MISP: variants seen among roughly 807,000 people sequenced by gnomAD.
MISP encodes mitotic spindle positioning.
In MISP, 51 loss-of-function variants were observed where a neutral mutation model predicts 49.3. That is an observed-to-expected ratio of 1.03 (90% CI 0.83 to 1.31). The LOEUF (loss-of-function observed/expected upper bound fraction) is 1.31, where lower values mean the gene tolerates loss of function less well. Among genes scored for constraint, MISP ranks in the 50% most tolerant of loss-of-function variants. The pLI is 0.00. For missense variants in MISP, 1,084 were observed against 935.1 expected (o/e 1.16, Z -2.08); for synonymous variants, 444 against 392.6 (o/e 1.13, Z -1.55).
At position 757,574 on chromosome 19, in the gene MISP, G is replaced by A. The variant is rs377478363; in HGVS notation, c.628G>A (p.Ala210Thr). The part of the protein sequence containing the change: ...FLSLEQANKG[A>T]PHSSPARGTP... ...GAGTCTGGAGCAGGCGAACAAGGGG[G>A]CCCCTCATAGCTCCCCGGCCAGGGG... The change falls in exon 2 of 5, where the codon GCC becomes ACC. Residue 210 changes from alanine to threonine, a missense_variant. Coordinates refer to ENST00000215582, the MANE Select transcript of MISP (RefSeq NM_173481.4). 21 of 1,612,882 alleles carry A rather than the reference G, an allele frequency of 1.3e-5. No individual in the cohort carries two copies. The highest frequency in any genetic ancestry group is 1.7e-5 in the Non-Finnish European group (20 of 1,179,686).
In MISP at chr19:763,671, A is replaced by G. The variant is rs1397317107; in HGVS notation, c.*81A>G. On this transcript the variant is annotated 3_prime_UTR_variant, in exon 5 of 5. Coordinates refer to ENST00000215582, the MANE Select transcript of MISP (RefSeq NM_173481.4). ...AAGACCATCGCCAAGCCCCCACCCT[A>G]GGAAATGGGTCCTAGGTCCAGGATC... The G allele has an allele frequency of 4.1e-6, 4 of 977,104 alleles. No individual in the cohort carries two copies. The highest frequency in any genetic ancestry group is 6.4e-6 in the Non-Finnish European group (4 of 629,718). The allele number at this position is 977,104 out of a possible 1,614,324, so 60.5% of individuals were successfully genotyped here.
rs1179545395 is a variant in MISP, at chr19:764,056, A to C, written c.*466A>C. ...GAGAAGTCCCAAGCTGAGAGGGGAG[A>C]CCTGCCCCTTTCCAACCCTGGGAAA... On this transcript the variant is annotated 3_prime_UTR_variant, in exon 5 of 5. Coordinates refer to ENST00000215582, the MANE Select transcript of MISP (RefSeq NM_173481.4). The C allele has an allele frequency of 6.4e-6, 1 of 155,090 alleles. No individual in the cohort carries two copies. Among genetic ancestry groups the C allele is most frequent in the Non-Finnish European group, 1.4e-5 (1 of 70,000 alleles). 9.6% of individuals were successfully genotyped at this position (155,090 alleles called of 1,614,324 possible). A position where few individuals can be genotyped will look rare whatever the true frequency, so the allele number is the denominator to read the frequency against.
At position 757,468 on chromosome 19, in the gene MISP, C is replaced by T. The variant is rs375452577; in HGVS notation, c.522C>T (p.Gly174=). The change falls in exon 2 of 5, where the codon GGC becomes GGT. Residue 174 remains glycine, a synonymous_variant. Coordinates refer to ENST00000215582, the MANE Select transcript of MISP (RefSeq NM_173481.4). Reference sequence around the variant, plus strand: ...ACCACGGAGACCCCAGGACCCCCGGCCCACCTCGGTCCACGCCCCTGGAGG... The same window carrying T: ...ACCACGGAGACCCCAGGACCCCCGGTCCACCTCGGTCCACGCCCCTGGAGG... ...TPDHGDPRTP[G]PPRSTPLEEN... is the part of the protein sequence containing the mutation. The T allele has an allele frequency of 2.8e-5, 44 of 1,592,280 alleles. No homozygotes were observed. The African/African-American group carries it at 5.2e-4, about 19-fold the overall frequency.
chr19:763,848 C>G lies in MISP; in HGVS notation c.*258C>G. ...GAAATGGGACCCCTGCTGATTCTTT[C>G]TGCTTCTAAGACTTTGCCAAATGCC... On this transcript the variant is annotated 3_prime_UTR_variant, in exon 5 of 5. Transcript: ENST00000215582. 8.1e-6 allele frequency: 4 copies of G among 496,356 alleles called. No homozygotes were observed. The highest frequency in any genetic ancestry group is 7.3e-5 in the South Asian group (3 of 40,904). The allele number at this position is 496,356 out of a possible 1,614,324, so 30.7% of individuals were successfully genotyped here. A position where few individuals can be genotyped will look rare whatever the true frequency, so the allele number is the denominator to read the frequency against.
At chr19:752,562 C>T (rs1387993791) in intron 1 of MISP, among the ~76,000 whole-genome samples, 1 of 149,380 alleles carries the variant, frequency 6.7e-6, no homozygotes, top group Non-Finnish European at 1.5e-5. Context: ...CACTGAGGCA[C>T]AGGCAGCAGG....
chr19:750,491 A>C (rs1370831840), upstream of MISP, among the ~76,000 whole-genome samples: 1 of 152,014 alleles, frequency 6.6e-6, no homozygotes, highest in Non-Finnish European at 1.5e-5. Flanking sequence ...TGAGCCACCA[A>C]GTCCGGCCCC....
chr19:758,238 C>T lies in MISP; in HGVS notation c.1292C>T (p.Pro431Leu). 1 of 1,613,528 alleles carries T rather than the reference C, an allele frequency of 6.2e-7. No homozygotes were observed. The change falls in exon 2 of 5, where the codon CCC becomes CTC. Residue 431 changes from proline to leucine, a missense_variant. Coordinates refer to ENST00000215582, the MANE Select transcript of MISP (RefSeq NM_173481.4). The stretch of plus-strand genomic sequence containing the variant: ...GATGCCTACCAGCCGTACCTGAGCC[C>T]CGGGACCCCCCAGCTAGAATTCTCA... ...PPDAYQPYLS[P>L]GTPQLEFSAF... is the part of the protein sequence containing the mutation.
At position 757,986 on chromosome 19, in the gene MISP, C is replaced by G. The variant is rs777023460; in HGVS notation, c.1040C>G (p.Pro347Arg). 26 of 1,576,412 alleles carry G rather than the reference C, an allele frequency of 1.6e-5. No homozygotes were observed. Among genetic ancestry groups the G allele is most frequent in the Middle Eastern group, 3.4e-4 (2 of 5,926 alleles). ...GCCCCACGGCGGGAGAGAGGGCGCC[C>G]GTCCCTCTACGTGCAGCGGGACATA... ...ITAPRRERGR[P>R]SLYVQRDIVQ... Residue 347 changes from proline (P) to arginine (R), a missense_variant, in exon 2 of 5, where the codon CCG (proline) becomes CGG (arginine). Pro to Arg is a moderately radical substitution (Grantham distance 103, BLOSUM62 -2). Transcript: ENST00000215582.
rs1005175536 is a variant in MISP, at chr19:757,614, C to T, written c.668C>T (p.Thr223Ile). 7 of 1,612,512 alleles carry T rather than the reference C, an allele frequency of 4.3e-6. No homozygotes were observed. Among genetic ancestry groups the T allele is most frequent in the Non-Finnish European group, 5.9e-6 (7 of 1,179,646 alleles). ...SSPARGTPAG[T>I]TPGASQAPKA... ...CCGGCCAGGGGGACCCCTGCAGGCA[C>T]AACCCCAGGGGCCAGCCAGGCCCCC... The change falls in exon 2 of 5, where the codon ACA (threonine) becomes ATA (isoleucine). Residue 223 changes from threonine (T) to isoleucine (I), a missense_variant. Physicochemically the swap from Thr to Ile is moderately conservative, Grantham distance 89. Coordinates refer to ENST00000215582, the MANE Select transcript of MISP (RefSeq NM_173481.4).
intron 1 of MISP, among the ~76,000 whole-genome samples, chr19:752,726 G>C (rs368289801): frequency 1.1e-4 from 16 of 146,542 alleles, no homozygotes; most frequent in African/African-American, 3.7e-4. Flanking sequence ...CCTGCTCGAG[G>C]CTGGGCGGAC....
chr19:750,986 C>G (rs2144948543), upstream of MISP: 1 of 152,660 alleles, frequency 6.6e-6, no homozygotes, highest in African/African-American at 2.4e-5. Context: ...TCCTCTTTCT[C>G]CCTCCTCCTC....
intron 1 of MISP, among the ~76,000 whole-genome samples, chr19:753,604 G>A (rs560860636): frequency 6.6e-6 from 1 of 151,770 alleles, no homozygotes; most frequent in South Asian, 2.1e-4. Flanking sequence ...AGCCAGGATG[G>A]TCTCGATCTC....
chr19:758,842 C>T lies in MISP; in HGVS notation c.1780+116C>T, dbSNP rs78342683. On this transcript the variant is annotated intron_variant, in intron 2 of 4. Transcript: ENST00000215582. ...AAGGGCTGGGGTTGGGGAGACATTG[C>T]CTCCTGACTGTTCATCCCCTCAGTC... The T allele has an allele frequency of 1.1e-4, 83 of 765,020 alleles. No individual in the cohort carries two copies. The East Asian group carries it at 2.1e-3, about 20-fold the overall frequency. The allele number at this position is 765,020 out of a possible 1,614,324, so 47.4% of individuals were successfully genotyped here. A position where few individuals can be genotyped will look rare whatever the true frequency, so the allele number is the denominator to read the frequency against.
chr19:763,027 C>T (rs558797513), intron 4 of MISP, among the ~76,000 whole-genome samples: 4 of 152,244 alleles, frequency 2.6e-5, no homozygotes, highest in African/African-American at 4.8e-5. Flanking sequence ...CGGTGGCTCA[C>T]GCCTGTAATC....
At position 759,900 on chromosome 19, in the gene MISP, C is replaced by T. The variant is rs1189993961; in HGVS notation, c.1781-9C>T. 2 of 1,613,796 alleles carry T rather than the reference C, an allele frequency of 1.2e-6. No individual in the cohort carries two copies. Among genetic ancestry groups the T allele is most frequent in the African/African-American group, 1.3e-5 (1 of 74,894 alleles). Reference sequence around the variant, plus strand: ...GTTCTAATGTTCTGCCCTCCCTGCTCCCCTACAGGCATCACGGGCAGTTAC... The same window carrying T: ...GTTCTAATGTTCTGCCCTCCCTGCTTCCCTACAGGCATCACGGGCAGTTAC... On this transcript the variant is annotated splice_polypyrimidine_tract_variant and intron_variant, in intron 2 of 4. Coordinates refer to ENST00000215582, the MANE Select transcript of MISP (RefSeq NM_173481.4).
upstream of MISP, among the ~76,000 whole-genome samples, chr19:750,216 T>TTTTTTTTG: frequency 9.8e-6 from 1 of 101,884 alleles, no homozygotes; most frequent in Non-Finnish European, 2.0e-5. Flanking sequence ...TTTTTTTTTT[T>TTTTTTTTG]GAGTTGGAGT....
chr19:761,656 A>G lies in MISP; in HGVS notation c.1943A>G (p.Asn648Ser), dbSNP rs749279326. 16 of 1,613,918 alleles carry G rather than the reference A, an allele frequency of 9.9e-6. No individual in the cohort carries two copies. The African/African-American group carries it at 1.5e-4, about 15-fold the overall frequency. ...YAGINPSDGI[N>S]SEVLEAIRVT... ...GGCATCAACCCCTCGGACGGTATCA[A>G]CTCAGAGGTGAGTATGCTCCTGGGC... is the stretch of plus-strand genomic sequence containing the variant. The change falls in exon 4 of 5, where the codon AAC becomes AGC. Residue 648 changes from asparagine to serine, a missense_variant. By Grantham distance (46) the Asn-to-Ser change is conservative. Transcript: ENST00000215582.
At position 758,413 on chromosome 19, in the gene MISP, G is replaced by A; in HGVS notation, c.1467G>A (p.Arg489=). The change falls in exon 2 of 5, where the codon CGG becomes CGA. Residue 489 remains arginine (R), a synonymous_variant. Transcript: ENST00000215582. ...AGCAAGAGGCATCGAAGCCCCCTCGGGGATGCCCGCAAGCCAACAGGGGTG... is the reference window on the plus strand; with the variant it reads ...AGCAAGAGGCATCGAAGCCCCCTCGAGGATGCCCGCAAGCCAACAGGGGTG... ...STKQEASKPP[R]GCPQANRGVV... 1.9e-6 allele frequency: 3 copies of A among 1,614,208 alleles called. No homozygotes were observed. The South Asian group carries it at 3.3e-5, about 18-fold the overall frequency.
chr19:750,829 C>T (rs1018513394), upstream of MISP, among the ~76,000 whole-genome samples: 1 of 152,176 alleles, frequency 6.6e-6, no homozygotes, highest in Non-Finnish European at 1.5e-5. Context: ...TGCTGACCCT[C>T]TCTGAGCGGT....
Sources: allele counts gnomAD v4.1 joint callset (sites outside exome capture counted in the v4.1 genomes callset), GRCh38; gene constraint gnomAD v4.1.1; transcripts MANE v1.5; gene names NCBI Gene and HGNC (gene_info 2026-07-23, HGNC 2026-07-21).